The following NGF variants were observed in gnomAD, a reference collection of about 807,000 sequenced individuals.
The protein encoded by NGF is nerve growth factor, also known as beta-nerve growth factor.
Under a neutral mutation model 12.8 loss-of-function variants are expected in NGF, and 4 were observed. The ratio of observed to expected loss-of-function variants is 0.31; its 90% confidence interval spans 0.15 to 0.72. The LOEUF is 0.72. Ranked by LOEUF, NGF falls within the 30% of genes least tolerant of loss-of-function variation. The pLI, the probability that NGF is intolerant of heterozygous loss-of-function variation, is 0.69. For synonymous variants in NGF, 140 were observed against 130.0 expected (o/e 1.08, Z -0.52); for missense variants, 283 against 330.8 (o/e 0.86, Z 1.12).
At chr1:115,293,062 A>G (rs553821363) in intron 2 of NGF, among the ~76,000 whole-genome samples, 1 of 152,308 alleles carries the variant, frequency 6.6e-6, no homozygotes, top group East Asian at 1.9e-4. Flanking sequence ...TTTATTGGGT[A>G]TAATTTTCTA....
rs553027501 is a variant in NGF at position 115,322,444 on chromosome 1, GA to G, written c.-137+15759del. On this transcript the variant is annotated intron_variant, in intron 1 of 2. Coordinates refer to ENST00000369512, the MANE Select transcript of NGF (RefSeq NM_002506.3). Reference sequence around the variant, plus strand: ...TGGAGGCTACAAGGAGTGGGCCCCAGAAATCTGTGGGAGTGATTTTTGGAGG... The same window carrying G: ...TGGAGGCTACAAGGAGTGGGCCCCAGAATCTGTGGGAGTGATTTTTGGAGG... Among the ~76,000 whole-genome samples the G allele has an allele frequency of 2.0e-4, 31 of 152,288 alleles. No individual in the cohort carries two copies. The South Asian group carries it at 6.0e-3, about 30-fold the overall frequency.
chr1:115,322,635 A>T (rs1213286558), intron 1 of NGF, among the ~76,000 whole-genome samples: 1 of 152,198 alleles, frequency 6.6e-6, no homozygotes, highest in Non-Finnish European at 1.5e-5. Context: ...ACTGGTTGTG[A>T]TAACAACAAC....
rs1226656778 is a variant in NGF, at chr1:115,286,092, C to T, written c.704G>A (p.Arg235Lys). Residue 235 changes from arginine to lysine, a missense_variant, in exon 3 of 3, where the codon AGG becomes AAG. By Grantham distance (26) the Arg-to-Lys change is conservative. This residue lies in a region of NGF where 132 missense variants were observed against 189.2 expected (regional missense o/e 0.70). Coordinates refer to ENST00000369512, the MANE Select transcript of NGF (RefSeq NM_002506.3). ...IDTACVCVLS[R>K]KAVRRA ...AGGTCAGGCTCTTCTCACAGCCTTCCTGCTGAGCACACACACACAGGCCGT... is the reference window on the plus strand; with the variant it reads ...AGGTCAGGCTCTTCTCACAGCCTTCTTGCTGAGCACACACACACAGGCCGT... 1.9e-6 allele frequency: 3 copies of T among 1,613,434 alleles called. No individual in the cohort carries two copies. The African/African-American group carries it at 4.0e-5, about 22-fold the overall frequency.
chr1:115,337,267 GTTTTTTT>G (rs67307707), intron 1 of NGF, among the ~76,000 whole-genome samples: 23 of 81,022 alleles, frequency 2.8e-4, no homozygotes, highest in East Asian at 7.3e-4. Context: ...TTTTGTTTTT[GTTTTTTT>G]TTTTTTTTTT....
intron 1 of NGF, among the ~76,000 whole-genome samples, chr1:115,308,699 GA>G (rs1366840946): frequency 6.6e-6 from 1 of 151,922 alleles, no homozygotes; most frequent in Non-Finnish European, 1.5e-5. Context: ...AAAATAAAAA[GA>G]GAGAAAAAGG....
rs192496285 is a variant in NGF, at chr1:115,329,232, A to C, written c.-137+8972T>G. On this transcript the variant is annotated intron_variant, in intron 1 of 2. Coordinates refer to ENST00000369512, the MANE Select transcript of NGF (RefSeq NM_002506.3). ...AGGGTGTCCTTGGTGGCAGGCACAGAACTTCATAGTATGTACTTCATACAT... is the reference window on the plus strand; with the variant it reads ...AGGGTGTCCTTGGTGGCAGGCACAGCACTTCATAGTATGTACTTCATACAT... Among the ~76,000 whole-genome samples, 749 of 151,932 alleles carry C rather than the reference A, an allele frequency of 4.9e-3. 2 individuals are homozygous for C. Among genetic ancestry groups the C allele is most frequent in the Non-Finnish European group, 8.2e-3 (555 of 68,008 alleles).
chr1:115,338,030 C>G (rs1328868758), intron 1 of NGF, among the ~76,000 whole-genome samples, 174 bp downstream of exon 1: 1 of 152,176 alleles, frequency 6.6e-6, no homozygotes, highest in South Asian at 2.1e-4. Flanking sequence ...TCCCGCGCCC[C>G]CACACCCACT....
intron 1 of NGF, among the ~76,000 whole-genome samples, chr1:115,321,966 G>A (rs544978128): frequency 6.6e-5 from 10 of 152,296 alleles, no homozygotes; most frequent in African/African-American, 2.4e-4. Flanking sequence ...TGAGATAGAC[G>A]TGGCCCTTGC....
intron 1 of NGF, among the ~76,000 whole-genome samples, chr1:115,324,264 G>A (rs1033058797): frequency 1.3e-5 from 2 of 152,212 alleles, no homozygotes; most frequent in African/African-American, 2.4e-5. Context: ...GTGTCATAAT[G>A]TCATGTTTCT....
intron 1 of NGF, among the ~76,000 whole-genome samples, chr1:115,333,905 A>C (rs1655033293): frequency 7.0e-6 from 1 of 142,232 alleles, no homozygotes. Flanking sequence ...GTTCCTTTTC[A>C]CTCCTACTTG....
At chr1:115,317,525 G>A (rs1338805750) in intron 1 of NGF, among the ~76,000 whole-genome samples, 1 of 152,212 alleles carries the variant, frequency 6.6e-6, no homozygotes, top group African/African-American at 2.4e-5. Flanking sequence ...TCTGGATGCA[G>A]AATTCTCAAG....
intron 1 of NGF, among the ~76,000 whole-genome samples, chr1:115,320,584 C>T (rs900262854): frequency 3.3e-5 from 5 of 152,096 alleles, no homozygotes; most frequent in Non-Finnish European, 5.9e-5. Flanking sequence ...ATTCACGTTC[C>T]GGGCAGAAAA....
rs560280132 is a variant in NGF, at chr1:115,286,058, C to T, written c.*12G>A. The T allele has an allele frequency of 1.9e-5, 30 of 1,612,296 alleles. No homozygotes were observed. In the East Asian group the frequency reaches 3.6e-4, roughly 19 times the overall value. On this transcript the variant is annotated 3_prime_UTR_variant, in exon 3 of 3. Coordinates refer to ENST00000369512, the MANE Select transcript of NGF (RefSeq NM_002506.3). ...GTGTAGAAGGGGCAGGGGGAGGGAG[C>T]GTGTCGGCAGGTCAGGCTCTTCTCA...
At chr1:115,294,158 G>A (rs2101026716) in intron 1 of NGF, among the ~76,000 whole-genome samples, 1 of 152,298 alleles carries the variant, frequency 6.6e-6, no homozygotes, top group South Asian at 2.1e-4. Context: ...ACCTTATACA[G>A]ACGCAAAATC....
intron 1 of NGF, among the ~76,000 whole-genome samples, chr1:115,310,847 T>C (rs888134490): frequency 6.6e-6 from 1 of 151,370 alleles, no homozygotes; most frequent in African/African-American, 2.4e-5. Context: ...ATCCCAGGCA[T>C]TGGGGCAAGG....
At chr1:115,299,480 G>A (rs1481240083) in intron 1 of NGF, among the ~76,000 whole-genome samples, 2 of 152,180 alleles carry the variant, frequency 1.3e-5, no homozygotes, top group African/African-American at 4.8e-5. Context: ...TCACCTGACT[G>A]GAGGAATTCA....
chr1:115,319,031 C>T (rs1051820287), intron 1 of NGF, among the ~76,000 whole-genome samples: 2 of 152,192 alleles, frequency 1.3e-5, no homozygotes, highest in Non-Finnish European at 2.9e-5. Flanking sequence ...CTCTCACTAG[C>T]GTCCTGGTGG....
intron 1 of NGF, among the ~76,000 whole-genome samples, chr1:115,316,786 T>C (rs1654484736): frequency 6.6e-6 from 1 of 152,222 alleles, no homozygotes; most frequent in African/African-American, 2.4e-5. Flanking sequence ...GATAAAATTT[T>C]GTTAAGGGAT....
chr1:115,287,847 A>G (rs1476802855), intron 2 of NGF, among the ~76,000 whole-genome samples: 2 of 152,148 alleles, frequency 1.3e-5, no homozygotes, highest in East Asian at 3.9e-4. Context: ...TTACCCCACA[A>G]ATAATCCCCC....
Sources: gnomAD v4.1 joint callset for allele counts (sites outside exome capture counted in the v4.1 genomes callset) on GRCh38, gnomAD v4.1.1 for gene constraint, gnomAD v4.1.1 regional missense constraint, MANE v1.5 for transcripts, NCBI Gene and HGNC (gene_info 2026-07-23, HGNC 2026-07-21) for gene names.